The following FAAH2 variants were observed in gnomAD, a reference collection of about 807,000 sequenced individuals.
FAAH2 encodes fatty-acid amide hydrolase 2.
Under a neutral mutation model 36.9 loss-of-function variants are expected in FAAH2, and 60 were observed. The observed-to-expected ratio is 1.63, with a 90% confidence interval of 1.32 to 2.02. FAAH2 has a LOEUF of 2.02. FAAH2 is among the 30% of genes most tolerant of loss of function. The pLI is 0.00. For missense variants in FAAH2, 689 were observed against 397.5 expected (o/e 1.73, Z -6.23); for synonymous variants, 214 against 143.8 (o/e 1.49, Z -3.49).
At chrX:57,446,338 T>A (rs2056673663) in intron 8 of FAAH2, among the ~76,000 whole-genome samples, 1 of 112,027 alleles carries the variant, frequency 8.9e-6, no homozygotes, top group Non-Finnish European at 1.9e-5. Flanking sequence ...AGTTGTTTAA[T>A]TTGGTGTTCT....
chrX:57,320,791 C>T (rs759499101), intron 3 of FAAH2, among the ~76,000 whole-genome samples: 1 of 112,264 alleles, frequency 8.9e-6, no homozygotes, highest in Non-Finnish European at 1.9e-5. Context: ...CAGTGATGGA[C>T]TGGATAAAGG....
chrX:57,157,013 C>T, the FAAH2 span, among the ~76,000 whole-genome samples: 2 of 112,268 alleles, frequency 1.8e-5, no homozygotes, highest in Non-Finnish European at 3.8e-5. Flanking sequence ...TTGCCTTCTT[C>T]GTCAGGGTGG....
intron 4 of FAAH2, among the ~76,000 whole-genome samples, chrX:57,333,336 T>A (rs760269378): frequency 8.9e-6 from 1 of 111,762 alleles, no homozygotes; most frequent in Non-Finnish European, 1.9e-5. Context: ...CCAGTTCTTT[T>A]ATCTCAGTAC....
intron 7 of FAAH2, among the ~76,000 whole-genome samples, chrX:57,426,270 A>G (rs2056160371): frequency 8.9e-6 from 1 of 112,123 alleles, no homozygotes; most frequent in African/African-American, 3.2e-5. Flanking sequence ...TAAAACAAAT[A>G]TTACTAGAAC....
chrX:57,470,998 A>G (rs1387041771), intron 10 of FAAH2, among the ~76,000 whole-genome samples: 1 of 112,112 alleles, frequency 8.9e-6, no homozygotes. Flanking sequence ...CAAAAAACAC[A>G]TGATTTTCTC....
rs150560285 is a variant in FAAH2 at position 57,476,130 on chromosome X, C to T, written c.1424-12627C>T. 4.5e-3 allele frequency among the ~76,000 whole-genome samples: 507 copies of T among 111,522 alleles called. 1 individual carries two copies. Among genetic ancestry groups the T allele is most frequent in the African/African-American group, 0.015 (467 of 30,764 alleles). ...ATTAAGTTTTCTAAATATACAATAA[C>T]GTCATCTGCAAACAGAGACAATTTG... On this transcript the variant is annotated intron_variant, in intron 10 of 10. Transcript: ENST00000374900.
In FAAH2 at chrX:57,455,124, G is replaced by A. The variant is rs184916219; in HGVS notation, c.1423+6406G>A. 2.7e-5 allele frequency among the ~76,000 whole-genome samples: 3 copies of A among 111,870 alleles called. No individual in the cohort carries two copies. In the Admixed American group the frequency reaches 2.8e-4, roughly 11 times the overall value. ...AACTCTCTGTAAGAAACCTACAAGT[G>A]AGAAGAGATTGGGGGCCTATTTTCA... On this transcript the variant is annotated intron_variant, in intron 10 of 10. Coordinates refer to ENST00000374900, the MANE Select transcript of FAAH2 (RefSeq NM_174912.4).
the FAAH2 span, among the ~76,000 whole-genome samples, chrX:57,217,535 G>C: frequency 8.9e-6 from 1 of 111,898 alleles, no homozygotes; most frequent in South Asian, 3.7e-4. Context: ...TTGTTGAAAA[G>C]GGTGTCTTTT....
chrX:57,466,156 CTATA>C (rs1163626331), intron 10 of FAAH2, among the ~76,000 whole-genome samples: 10 of 66,390 alleles, frequency 1.5e-4, no homozygotes, highest in South Asian at 1.1e-3. Flanking sequence ...CTCTCTCTCT[CTATA>C]TATATATATA....
chrX:57,328,132 C>T (rs1445637348), intron 3 of FAAH2, among the ~76,000 whole-genome samples: 1 of 112,156 alleles, frequency 8.9e-6, no homozygotes, highest in Non-Finnish European at 1.9e-5. Flanking sequence ...TGGGTATCAG[C>T]AGCAGAGGCT....
At chrX:57,324,762 A>G (rs1253688167) in intron 3 of FAAH2, among the ~76,000 whole-genome samples, 4 of 111,930 alleles carry the variant, frequency 3.6e-5, no homozygotes, top group Admixed American at 2.8e-4. Context: ...GGGTTTTCTA[A>G]ATATACAATC....
intron 7 of FAAH2, among the ~76,000 whole-genome samples, chrX:57,427,260 C>T (rs2056185506): frequency 9.1e-6 from 1 of 109,746 alleles, no homozygotes; most frequent in South Asian, 3.8e-4. Context: ...AAAAACTTCC[C>T]AACAAAGAAA....
At chrX:57,407,350 C>A (rs768431887) in intron 7 of FAAH2, among the ~76,000 whole-genome samples, 4 of 111,858 alleles carry the variant, frequency 3.6e-5, no homozygotes, top group African/African-American at 9.7e-5. Context: ...GCTCACCAAC[C>A]AGTGTTCTGC....
chrX:57,349,107 T>C (rs1338692055), intron 5 of FAAH2, among the ~76,000 whole-genome samples: 1 of 96,877 alleles, frequency 1.0e-5, no homozygotes, highest in Non-Finnish European at 2.0e-5. Context: ...ATATATAATG[T>C]ATATGTGTAT....
At chrX:57,418,118 G>A (rs2055894770) in intron 7 of FAAH2, among the ~76,000 whole-genome samples, 1 of 111,644 alleles carries the variant, frequency 9.0e-6, no homozygotes, top group African/African-American at 3.3e-5. Context: ...TCAGACTGCT[G>A]TACTCACAGT....
intron 5 of FAAH2, among the ~76,000 whole-genome samples, chrX:57,344,129 T>TC: frequency 9.0e-6 from 1 of 110,731 alleles, no homozygotes. Context: ...ATAGCTTTTT[T>TC]TTTTTTTAAA....
At chrX:57,395,815 T>A (rs960344993) in intron 7 of FAAH2, among the ~76,000 whole-genome samples, 1 of 112,034 alleles carries the variant, frequency 8.9e-6, no homozygotes, top group Non-Finnish European at 1.9e-5. Flanking sequence ...AAGGTTTTTT[T>A]ATTCTTTCCT....
intron 7 of FAAH2, among the ~76,000 whole-genome samples, chrX:57,420,288 C>G (rs750691247): frequency 1.8e-5 from 2 of 111,194 alleles, no homozygotes; most frequent in African/African-American, 3.3e-5. Flanking sequence ...GGGATGGCAT[C>G]GAATCTATAA....
chrX:57,255,996 G>A, the FAAH2 span, among the ~76,000 whole-genome samples: 1 of 111,990 alleles, frequency 8.9e-6, no homozygotes, highest in Non-Finnish European at 1.9e-5. Context: ...GTCTCTGTTT[G>A]CAGATGACAT....
Sources: gnomAD v4.1 joint callset for allele counts (sites outside exome capture counted in the v4.1 genomes callset) on GRCh38, gnomAD v4.1.1 for gene constraint, MANE v1.5 for transcripts, NCBI Gene and HGNC (gene_info 2026-07-23, HGNC 2026-07-21) for gene names.